Variants in PPP2R1A observed in about 807,000 individuals in gnomAD.
PPP2R1A encodes serine/threonine-protein phosphatase 2A 65 kDa regulatory subunit A alpha isoform.
A neutral mutation model predicts 67.1 loss-of-function variants in PPP2R1A; 15 were observed. The ratio of observed to expected loss-of-function variants is 0.22; its 90% CI spans 0.15 to 0.34. PPP2R1A has a LOEUF of 0.34. Among genes scored for constraint, PPP2R1A ranks in the 10% least tolerant of loss-of-function variants. PPP2R1A has a pLI of 1.00. For synonymous variants in PPP2R1A, 337 were observed against 325.0 expected (o/e 1.04, Z -0.40); for missense variants, 369 against 775.0 (o/e 0.48, Z 6.22).
chr19:52,214,045 A>G (rs1005342662), intron 6 of PPP2R1A, among the ~76,000 whole-genome samples: 2 of 152,180 alleles, frequency 1.3e-5, no homozygotes, highest in Non-Finnish European at 2.9e-5. Context: ...GGTGTGGGAC[A>G]GACAGACAGA....
intron 2 of PPP2R1A, 123 bp from the exon 3 acceptor site, chr19:52,205,839 GT>G: frequency 1.3e-6 from 1 of 783,668 alleles, no homozygotes; most frequent in Non-Finnish European, 2.2e-6. Context: ...GGGGGAGCAA[GT>G]GGGCGGATGG....
chr19:52,210,403 G>T (rs992152842), intron 3 of PPP2R1A, among the ~76,000 whole-genome samples: 1 of 152,066 alleles, frequency 6.6e-6, no homozygotes, highest in African/African-American at 2.4e-5. Context: ...ACTGTTCATG[G>T]GAAGCTTAGG....
At chr19:52,207,969 A>G (rs2089622195) in intron 3 of PPP2R1A, among the ~76,000 whole-genome samples, 1 of 152,118 alleles carries the variant, frequency 6.6e-6, no homozygotes, top group South Asian at 2.1e-4. Flanking sequence ...GGTGGCTGTT[A>G]ACCTGGATTT....
intron 1 of PPP2R1A, among the ~76,000 whole-genome samples, chr19:52,198,181 C>A (rs984199967): frequency 2.0e-5 from 3 of 152,162 alleles, no homozygotes; most frequent in Non-Finnish European, 2.9e-5. Context: ...CAGAAAGGTA[C>A]AAGGATTGCC....
chr19:52,222,067 C>T, intron 12 of PPP2R1A, 32 bp from the exon 13 acceptor site: 1 of 1,571,606 alleles, frequency 6.4e-7, no homozygotes, highest in East Asian at 2.3e-5. Context: ...AGGAGCTTTG[C>T]ATACTCACCC....
chr19:52,224,513 T>G (rs1979134471), intron 13 of PPP2R1A, among the ~76,000 whole-genome samples: 1 of 152,182 alleles, frequency 6.6e-6, no homozygotes, highest in Non-Finnish European at 1.5e-5. Context: ...CCTAATACAT[T>G]GTAGGCCTCA....
chr19:52,210,479 C>CT (rs1568592451), intron 3 of PPP2R1A, among the ~76,000 whole-genome samples: 1 of 146,186 alleles, frequency 6.8e-6, no homozygotes, highest in African/African-American at 2.6e-5. Flanking sequence ...CCTCAGTTTT[C>CT]TCTTCTTTTT....
At chr19:52,192,543 A>C (rs906528815) in intron 1 of PPP2R1A, among the ~76,000 whole-genome samples, 4 of 151,914 alleles carry the variant, frequency 2.6e-5, no homozygotes, top group African/African-American at 9.7e-5. Flanking sequence ...CAGACTCCTG[A>C]TCTCAGGTGA....
At position 52,211,764 on chromosome 19, in the gene PPP2R1A, A is replaced by C; in HGVS notation, c.503+272A>C. 1 of 512,662 alleles carries C rather than the reference A, an allele frequency of 2.0e-6. No individual in the cohort carries two copies. Among genetic ancestry groups the C allele is most frequent in the Non-Finnish European group, 3.5e-6 (1 of 289,688 alleles). The allele number at this position is 512,662 out of a possible 1,614,324, so 31.8% of individuals were successfully genotyped here. On this transcript the variant is annotated intron_variant, in intron 4 of 14. Transcript: ENST00000322088. The surrounding 1 kb of genome is among the most constrained non-coding windows in gnomAD (Gnocchi z 5.3). Reference sequence around the variant, plus strand: ...CTGGTTAATGTGAGGATTTAAAAGAATTATCACACATAAAGTGCTTAGAGC... The same window carrying C: ...CTGGTTAATGTGAGGATTTAAAAGACTTATCACACATAAAGTGCTTAGAGC...
rs1194792117 is a variant in PPP2R1A at position 52,213,104 on chromosome 19, C to T, written c.801C>T (p.Phe267=). The stretch of plus-strand genomic sequence containing the variant: ...TCCGCTACATGGTGGCTGACAAGTT[C>T]ACAGAGGTAGATGAGCGACCGTTGA... ...WRVRYMVADK[F]TELQKAVGPE... The change falls in exon 6 of 15, where the codon TTC becomes TTT. Residue 267 remains phenylalanine (F), a synonymous_variant. Transcript: ENST00000322088. The surrounding 1 kb of genome is among the most constrained non-coding windows in gnomAD (Gnocchi z 4.2). 5.7e-6 allele frequency: 9 copies of T among 1,570,186 alleles called. No homozygotes were observed. The highest frequency in any genetic ancestry group is 7.7e-6 in the Non-Finnish European group (9 of 1,163,798).
intron 10 of PPP2R1A, 130 bp from the exon 11 acceptor site, chr19:52,220,059 G>A: frequency 8.1e-7 from 1 of 1,234,430 alleles, no homozygotes; most frequent in Non-Finnish European, 1.2e-6. Context: ...AGGGAAAGGA[G>A]CACCTCAGAC....
chr19:52,207,373 G>T (rs1213904166), intron 3 of PPP2R1A, among the ~76,000 whole-genome samples: 1 of 152,184 alleles, frequency 6.6e-6, no homozygotes, highest in African/African-American at 2.4e-5. Context: ...GAAACCGCAA[G>T]GCTTCAACAA....
chr19:52,220,383 T>C (rs2122362518), intron 11 of PPP2R1A, 134 bp downstream of exon 11: 1 of 936,718 alleles, frequency 1.1e-6, no homozygotes, highest in East Asian at 2.4e-5. Context: ...ATGGACCAGC[T>C]CGCATGCTTG....
intron 3 of PPP2R1A, among the ~76,000 whole-genome samples, chr19:52,206,449 T>C (rs2089603036): frequency 6.6e-6 from 1 of 152,200 alleles, no homozygotes; most frequent in Admixed American, 6.5e-5. Context: ...TTAAATTACC[T>C]TGAAGAGCCC....
At chr19:52,208,229 C>T (rs187974307) in intron 3 of PPP2R1A, among the ~76,000 whole-genome samples, 5 of 151,456 alleles carry the variant, frequency 3.3e-5, no homozygotes, top group South Asian at 2.1e-4. Context: ...AGTGCAGTGG[C>T]GGGATCTCGG....
chr19:52,221,995 C>T (rs1299816022), intron 12 of PPP2R1A, 104 bp from the exon 13 acceptor site: 2 of 1,240,304 alleles, frequency 1.6e-6, no homozygotes, highest in Non-Finnish European at 2.2e-6. Flanking sequence ...TGCTCAGCCT[C>T]TGTGGGGCCT....
intron 10 of PPP2R1A, 99 bp from the exon 11 acceptor site, chr19:52,220,090 C>T (rs1978823468): frequency 7.2e-7 from 1 of 1,380,702 alleles, no homozygotes. Flanking sequence ...AGTGTCCGGT[C>T]TTTCTAGGGT....
In PPP2R1A at chr19:52,208,358, G is replaced by A. The variant is rs922501247; in HGVS notation, c.270+2295G>A. Among the ~76,000 whole-genome samples, 9 of 151,324 alleles carry A rather than the reference G, an allele frequency of 5.9e-5. No individual in the cohort carries two copies. In the South Asian group the frequency reaches 8.4e-4, roughly 14 times the overall value. On this transcript the variant is annotated intron_variant, in intron 3 of 14. Transcript: ENST00000322088. ...TAATTTTTGCATTTTTAGTAGAGAC[G>A]GGGTTTCACTTTGTTGGTCAGATTA...
At chr19:52,195,436 A>G (rs1336144140) in intron 1 of PPP2R1A, among the ~76,000 whole-genome samples, 2 of 152,188 alleles carry the variant, frequency 1.3e-5, no homozygotes. Flanking sequence ...CTAAGCAAGC[A>G]TTCAGTTCTG....
Sources: allele counts gnomAD v4.1 joint callset (sites outside exome capture counted in the v4.1 genomes callset), GRCh38; gene constraint gnomAD v4.1.1; non-coding constraint Gnocchi (gnomAD v3.1); transcripts MANE v1.5; gene names NCBI Gene and HGNC (gene_info 2026-07-23, HGNC 2026-07-21).